RBFOX1: variants seen among roughly 807,000 people sequenced by gnomAD.
The protein encoded by RBFOX1 is RNA binding fox-1 homolog 1, also known as RNA binding protein fox-1 homolog 1.
A neutral mutation model predicts 57.7 loss-of-function variants in RBFOX1; 8 were observed. The ratio of observed to expected loss-of-function variants is 0.14; its 90% CI spans 0.08 to 0.25. RBFOX1 has a LOEUF of 0.25. Among genes scored for constraint, RBFOX1 ranks in the 10% least tolerant of loss-of-function variants. RBFOX1 has a pLI of 1.00. For missense variants in RBFOX1, 611 were observed against 548.5 expected (o/e 1.11, Z -1.14); for synonymous variants, 326 against 222.4 (o/e 1.47, Z -4.15).
intron 1 of RBFOX1, among the ~76,000 whole-genome samples, chr16:6,149,681 T>C (rs779482341): frequency 6.6e-6 from 1 of 152,192 alleles, no homozygotes; most frequent in African/African-American, 2.4e-5. Context: ...AAATGTAGAA[T>C]ACTGACACTT....
chr16:6,466,346 A>G (rs892537717), intron 2 of RBFOX1, among the ~76,000 whole-genome samples: 5 of 152,058 alleles, frequency 3.3e-5, no homozygotes, highest in African/African-American at 7.2e-5. Context: ...AATGCTTACT[A>G]TATTCCAGTT....
At chr16:5,993,788 A>G (rs1313208822) in intron 4 of RBFOX1, among the ~76,000 whole-genome samples, 1 of 152,138 alleles carries the variant, frequency 6.6e-6, no homozygotes, top group Non-Finnish European at 1.5e-5. Flanking sequence ...TGGCTTGAAT[A>G]TTGCCGCTCA....
intron 5 of RBFOX1, among the ~76,000 whole-genome samples, chr16:7,541,524 G>A (rs1489785693): frequency 6.6e-6 from 1 of 152,040 alleles, no homozygotes; most frequent in Non-Finnish European, 1.5e-5. Context: ...GTCATTTACA[G>A]GATAGGAAAT....
chr16:6,246,130 T>C lies in RBFOX1; in HGVS notation c.-126-70865T>C, dbSNP rs144515952. On this transcript the variant is annotated intron_variant, in intron 1 of 15. Coordinates refer to ENST00000550418, the MANE Select transcript of RBFOX1 (RefSeq NM_018723.4). ...AAAACCCAAATGACTGTAGGATGTA[T>C]TGAATCATGGAGCTGAGATCCTCAT... Among the ~76,000 whole-genome samples, 1,226 of 152,282 alleles carry C rather than the reference T, an allele frequency of 8.1e-3. 6 individuals carry two copies. The highest frequency in any genetic ancestry group is 0.017 in the Middle Eastern group (5 of 294).
chr16:7,106,539 C>G (rs913026122), intron 4 of RBFOX1, among the ~76,000 whole-genome samples: 3 of 152,082 alleles, frequency 2.0e-5, no homozygotes, highest in Non-Finnish European at 4.4e-5. Context: ...TGCCTTTTGG[C>G]TTAAACATTT....
At chr16:7,013,850 G>T (rs1206708307) in intron 3 of RBFOX1, among the ~76,000 whole-genome samples, 1 of 152,014 alleles carries the variant, frequency 6.6e-6, no homozygotes, top group Non-Finnish European at 1.5e-5. Flanking sequence ...TAGAAATGGG[G>T]TCTCACCATG....
chr16:6,889,552 T>C (rs546072984), intron 3 of RBFOX1, among the ~76,000 whole-genome samples: 13 of 152,302 alleles, frequency 8.5e-5, no homozygotes, highest in African/African-American at 2.9e-4. Flanking sequence ...CTGTCTTGAA[T>C]GATGATGGTT....
At chr16:6,755,392 AT>A (rs2075626406) in intron 3 of RBFOX1, among the ~76,000 whole-genome samples, 1 of 152,108 alleles carries the variant, frequency 6.6e-6, no homozygotes, top group African/African-American at 2.4e-5. Context: ...AATGATTGCC[AT>A]TCTAACTGGT....
chr16:7,562,471 C>A lies in RBFOX1; in HGVS notation c.271-17306C>A, dbSNP rs183134388. On this transcript the variant is annotated intron_variant, in intron 5 of 15. Coordinates refer to ENST00000550418, the MANE Select transcript of RBFOX1 (RefSeq NM_018723.4). Reference sequence around the variant, plus strand: ...GGAAGCAATGACCATTGGCAACAGCCTTGAAGACACGAGACCCTGGGCAAC... The same window carrying A: ...GGAAGCAATGACCATTGGCAACAGCATTGAAGACACGAGACCCTGGGCAAC... Among the ~76,000 whole-genome samples the A allele has an allele frequency of 3.5e-4, 54 of 152,192 alleles. 1 individual carries two copies. Among genetic ancestry groups the A allele is most frequent in the Admixed American group, 2.7e-3 (42 of 15,294 alleles).
chr16:7,183,293 G>T (rs534007127), intron 4 of RBFOX1, among the ~76,000 whole-genome samples: 1 of 152,122 alleles, frequency 6.6e-6, no homozygotes, highest in South Asian at 2.1e-4. Context: ...CAAGTGTATC[G>T]TGCTTGTCAA....
chr16:7,212,942 C>A (rs1163237027), intron 4 of RBFOX1, among the ~76,000 whole-genome samples: 3 of 152,164 alleles, frequency 2.0e-5, no homozygotes, highest in African/African-American at 7.2e-5. Flanking sequence ...CTTACCGTGC[C>A]ACTCATATTT....
intron 2 of RBFOX1, among the ~76,000 whole-genome samples, chr16:6,395,924 G>A (rs1211854522): frequency 6.6e-6 from 1 of 151,870 alleles, no homozygotes; most frequent in Non-Finnish European, 1.5e-5. Context: ...AAATTAGCTG[G>A]TCATGGTGGC....
chr16:6,516,069 C>G (rs1285093732), intron 2 of RBFOX1, among the ~76,000 whole-genome samples: 1 of 151,972 alleles, frequency 6.6e-6, no homozygotes, highest in African/African-American at 2.4e-5. Flanking sequence ...CACTCCAATC[C>G]CGGAGCTGGA....
chr16:6,902,688 C>G (rs985379317), intron 3 of RBFOX1, among the ~76,000 whole-genome samples: 1 of 152,150 alleles, frequency 6.6e-6, no homozygotes, highest in African/African-American at 2.4e-5. Context: ...TGCCACTGCA[C>G]TCCGGTCAGG....
chr16:5,414,255 G>T (rs1050577646), intron 1 of RBFOX1, among the ~76,000 whole-genome samples: 1 of 152,122 alleles, frequency 6.6e-6, no homozygotes, highest in Non-Finnish European at 1.5e-5. Context: ...GAGTGTTGTT[G>T]TAAAGGAGTC....
Position 7,262,171 on chromosome 16 carries a change from T to C in RBFOX1, c.27+210073T>C, listed in dbSNP as rs562366772. 2.0e-4 allele frequency among the ~76,000 whole-genome samples: 31 copies of C among 152,270 alleles called. 1 individual carries two copies. The highest frequency in any genetic ancestry group is 2.0e-3 in the Admixed American group (30 of 15,290). On this transcript the variant is annotated intron_variant, in intron 4 of 15. Coordinates refer to ENST00000550418, the MANE Select transcript of RBFOX1 (RefSeq NM_018723.4). ...AAATATAGTTATATATCTATAGATA[T>C]GGATCTGTATATTGAAATTTAGGAA...
At chr16:6,014,630 T>C (rs777437968), upstream of RBFOX1, among the ~76,000 whole-genome samples, 1 of 152,158 alleles carries the variant, frequency 6.6e-6, no homozygotes, top group Non-Finnish European at 1.5e-5. Flanking sequence ...GACTGACTGT[T>C]TTAATTAGTT....
intron 4 of RBFOX1, among the ~76,000 whole-genome samples, chr16:7,161,827 C>G (rs2078390009): frequency 1.3e-5 from 2 of 152,166 alleles, no homozygotes; most frequent in South Asian, 2.1e-4. Flanking sequence ...TCTAGTCAGT[C>G]CTAAAGTGAG....
At chr16:7,615,102 G>A (rs2058210721) in intron 10 of RBFOX1, 1 of 152,302 alleles carries the variant, frequency 6.6e-6, no homozygotes, top group African/African-American at 2.4e-5. Flanking sequence ...GGGAGGCCAA[G>A]GCGGGTGGAT....
Sources: gnomAD v4.1 joint callset for allele counts (sites outside exome capture counted in the v4.1 genomes callset) on GRCh38, gnomAD v4.1.1 for gene constraint, MANE v1.5 for transcripts, NCBI Gene and HGNC (gene_info 2026-07-23, HGNC 2026-07-21) for gene names.